FAF1: variants seen among roughly 807,000 people sequenced by gnomAD.
The protein encoded by FAF1 is FAS-associated factor 1.
In FAF1, 25 loss-of-function variants were observed where a neutral mutation model predicts 92.5. The ratio of observed to expected loss-of-function variants is 0.27; its 90% CI spans 0.20 to 0.38. FAF1 has a LOEUF of 0.38. FAF1 is among the 10% of genes least tolerant of loss of function. The pLI, the probability that FAF1 is intolerant of heterozygous loss-of-function variation, is 1.00. For synonymous variants in FAF1, 234 were observed against 273.2 expected (o/e 0.86, Z 1.42); for missense variants, 636 against 793.3 (o/e 0.80, Z 2.38).
chr1:50,769,717 A>G (rs1440760544), intron 4 of FAF1, among the ~76,000 whole-genome samples: 2 of 152,222 alleles, frequency 1.3e-5, no homozygotes. Context: ...CAACAGATAC[A>G]GAAAAGGCTT....
intron 4 of FAF1, among the ~76,000 whole-genome samples, chr1:50,768,868 C>A (rs1363560099): frequency 6.6e-6 from 1 of 151,888 alleles, no homozygotes; most frequent in Admixed American, 6.6e-5. Context: ...CATCACACAT[C>A]ACACCTAGAG....
chr1:50,791,047 TA>T (rs1218963168), intron 3 of FAF1, among the ~76,000 whole-genome samples: 1 of 152,138 alleles, frequency 6.6e-6, no homozygotes, highest in East Asian at 1.9e-4. Flanking sequence ...CAAAAACAGT[TA>T]GTTTTTCAAT....
chr1:50,638,280 C>T (rs1354021437), intron 8 of FAF1, among the ~76,000 whole-genome samples: 1 of 152,066 alleles, frequency 6.6e-6, no homozygotes, highest in Non-Finnish European at 1.5e-5. Flanking sequence ...TTCCTCCTTT[C>T]TAATCTGCAT....
At chr1:50,845,030 ACTAT>A (rs1418797024) in intron 2 of FAF1, among the ~76,000 whole-genome samples, 4 of 152,246 alleles carry the variant, frequency 2.6e-5, no homozygotes, top group East Asian at 1.9e-4. Flanking sequence ...CTGACTGCTT[ACTAT>A]CTGTCATCCA....
At chr1:50,849,885 A>G (rs768320263) in intron 2 of FAF1, among the ~76,000 whole-genome samples, 1 of 152,198 alleles carries the variant, frequency 6.6e-6, no homozygotes, top group Non-Finnish European at 1.5e-5. Flanking sequence ...TCTATGAATC[A>G]AAGTGTACAT....
intron 7 of FAF1, among the ~76,000 whole-genome samples, chr1:50,691,966 A>G (rs1225241593): frequency 6.6e-6 from 1 of 152,204 alleles, no homozygotes. Flanking sequence ...TGACACCTGT[A>G]ATCCTTTGGG....
intron 8 of FAF1, among the ~76,000 whole-genome samples, chr1:50,601,110 CA>C (rs1292891214): frequency 5.4e-4 from 65 of 121,256 alleles, no homozygotes; most frequent in Non-Finnish European, 5.9e-4. Flanking sequence ...ACTGAGAAGA[CA>C]AAAAAGCTCT....
At chr1:50,469,941 A>G (rs928101304) in intron 18 of FAF1, among the ~76,000 whole-genome samples, 1 of 152,232 alleles carries the variant, frequency 6.6e-6, no homozygotes, top group East Asian at 1.9e-4. Context: ...GGGGAATGGA[A>G]CAAGCTCAGC....
chr1:50,479,383 T>A (rs1646674605), intron 17 of FAF1, among the ~76,000 whole-genome samples: 1 of 152,220 alleles, frequency 6.6e-6, no homozygotes, highest in Non-Finnish European at 1.5e-5. Context: ...CTGCTTCTAA[T>A]CGGCCATCTT....
chr1:50,874,922 A>C (rs1007124837), intron 1 of FAF1, among the ~76,000 whole-genome samples: 1 of 150,838 alleles, frequency 6.6e-6, no homozygotes, highest in African/African-American at 2.4e-5. Context: ...GCCATGGACC[A>C]CCATGCCCAG....
In FAF1 at chr1:50,437,058, C is replaced by T. The variant is rs1261824903; in HGVS notation, c.*4382G>A. 1 of 152,164 alleles carries T rather than the reference C, an allele frequency of 6.6e-6. No homozygotes were observed. Among genetic ancestry groups the T allele is most frequent in the Non-Finnish European group, 1.5e-5 (1 of 68,022 alleles). 9.4% of individuals were successfully genotyped at this position (152,164 alleles called of 1,614,324 possible). On this transcript the variant is annotated 3_prime_UTR_variant, in exon 19 of 19. Transcript: ENST00000396153. ...ATCATGTCTCTTTTATTAATATTTT[C>T]TTTCAGACCAAACTTTCAAAATGCA...
intron 1 of FAF1, among the ~76,000 whole-genome samples, chr1:50,916,218 T>C (rs1644917664): frequency 6.6e-6 from 1 of 152,214 alleles, no homozygotes. Flanking sequence ...ATACTTACTA[T>C]TTACTGTTGA....
intron 4 of FAF1, 98 bp downstream of exon 4, chr1:50,787,902 C>T: frequency 5.1e-6 from 5 of 989,020 alleles, no homozygotes; most frequent in Admixed American, 4.9e-5. Flanking sequence ...CTTTTTTTCC[C>T]TTCTTGCACT....
intron 8 of FAF1, among the ~76,000 whole-genome samples, chr1:50,603,158 G>A (rs956152013): frequency 6.6e-6 from 1 of 152,132 alleles, no homozygotes; most frequent in Non-Finnish European, 1.5e-5. Context: ...CTTACTATCT[G>A]ATAACCAGTA....
chr1:50,549,506 A>T (rs1366694243), intron 13 of FAF1, among the ~76,000 whole-genome samples: 2 of 151,964 alleles, frequency 1.3e-5, no homozygotes, highest in Admixed American at 1.3e-4. Context: ...AAGGCTGGGC[A>T]TGGTGGCTCA....
At chr1:50,548,671 T>C (rs1649150166) in intron 13 of FAF1, among the ~76,000 whole-genome samples, 1 of 152,248 alleles carries the variant, frequency 6.6e-6, no homozygotes, top group South Asian at 2.1e-4. Flanking sequence ...GATTCTAAAC[T>C]TACTGTCTAA....
chr1:50,920,118 G>A (rs1644951127), intron 1 of FAF1, among the ~76,000 whole-genome samples: 1 of 151,946 alleles, frequency 6.6e-6, no homozygotes, highest in South Asian at 2.1e-4. Context: ...CAGCCAACAT[G>A]GTGAAACCCT....
chr1:50,907,380 T>C (rs1156675670), intron 1 of FAF1, among the ~76,000 whole-genome samples: 2 of 152,238 alleles, frequency 1.3e-5, no homozygotes, highest in East Asian at 1.9e-4. Flanking sequence ...GGTATCAGGA[T>C]GACGCTGGCC....
intron 15 of FAF1, among the ~76,000 whole-genome samples, chr1:50,512,674 C>T (rs540514083): frequency 5.3e-5 from 8 of 152,268 alleles, no homozygotes; most frequent in African/African-American, 1.9e-4. Context: ...AGTATAATGC[C>T]TCCAGCTCTG....
Sources: gnomAD v4.1 joint callset for allele counts (sites outside exome capture counted in the v4.1 genomes callset) on GRCh38, gnomAD v4.1.1 for gene constraint, MANE v1.5 for transcripts, NCBI Gene and HGNC (gene_info 2026-07-23, HGNC 2026-07-21) for gene names.